NDUFAF6: variants seen among roughly 807,000 people sequenced by gnomAD.
NDUFAF6 encodes NADH:ubiquinone oxidoreductase complex assembly factor 6.
NDUFAF6 carries 45 observed loss-of-function variants against 40.8 expected under a neutral mutation model. That is an observed-to-expected ratio of 1.10 (90% CI 0.87 to 1.42). The LOEUF (loss-of-function observed/expected upper bound fraction) is 1.42. NDUFAF6 is among the 40% of genes most tolerant of loss of function. The pLI, the probability that NDUFAF6 is intolerant of heterozygous loss-of-function variation, is 0.00. For missense variants in NDUFAF6, 435 were observed against 418.5 expected (o/e 1.04, Z -0.34); for synonymous variants, 185 against 155.9 (o/e 1.19, Z -1.39).
chr8:94,963,560 T>G (rs766275257), intron 1 of NDUFAF6, among the ~76,000 whole-genome samples: 16 of 152,250 alleles, frequency 1.1e-4, no homozygotes, highest in Non-Finnish European at 1.5e-5. Context: ...CCCTTCTTTC[T>G]TCTACCCTTG....
intron 3 of NDUFAF6, among the ~76,000 whole-genome samples, chr8:95,039,619 T>G (rs1829935918): frequency 6.6e-6 from 1 of 151,480 alleles, no homozygotes. Context: ...CAGGACAGTT[T>G]TTTTTTTTAT....
intron 4 of NDUFAF6, among the ~76,000 whole-genome samples, chr8:95,114,926 G>A (rs915702083): frequency 2.0e-5 from 3 of 152,114 alleles, no homozygotes; most frequent in East Asian, 1.9e-4. Context: ...GCCAGGCGTG[G>A]TGGCAGGTGT....
In NDUFAF6 at chr8:95,052,199, C is replaced by A; in HGVS notation, c.842C>A (p.Pro281His). 2 of 1,614,086 alleles carry A rather than the reference C, an allele frequency of 1.2e-6. No homozygotes were observed. The highest frequency in any genetic ancestry group is 1.7e-6 in the Non-Finnish European group (2 of 1,179,992). Residue 281 changes from proline to histidine, a missense_variant, in exon 8 of 9, where the codon CCT becomes CAT. Pro to His is a moderately conservative substitution (Grantham distance 77). Transcript: ENST00000396124. Reference protein sequence around the residue: ...KHARSFHKTVPVKAFPAFLQT... With the variant: ...KHARSFHKTVHVKAFPAFLQT... ...GCTAGGTCCTTTCACAAAACTGTTC[C>A]TGTGAAAGCATTTCCTGCTTTTCTT...
chr8:95,074,651 C>A (rs904822749), intron 9 of NDUFAF6, among the ~76,000 whole-genome samples: 1 of 152,156 alleles, frequency 6.6e-6, no homozygotes, highest in Admixed American at 6.5e-5. Context: ...TTTGACTTCC[C>A]CCTCCTCTTT....
chr8:95,052,082 T>G (rs1831498361), intron 7 of NDUFAF6, 92 bp from the exon 8 acceptor site: 1 of 1,153,034 alleles, frequency 8.7e-7, no homozygotes, highest in Non-Finnish European at 1.3e-6. Context: ...AGAGAGGCCC[T>G]ATCAGTATTG....
chr8:94,985,470 TATATATATA>T (rs1563770406), intron 2 of NDUFAF6, among the ~76,000 whole-genome samples: 7 of 910 alleles, frequency 7.7e-3, no homozygotes, highest in Admixed American at 0.014. Context: ...ACAATAATTA[TATATATATA>T]TATATATATA....
upstream of NDUFAF6, among the ~76,000 whole-genome samples, chr8:95,099,938 A>T (rs1452305489): frequency 6.6e-6 from 1 of 152,144 alleles, no homozygotes; most frequent in East Asian, 1.9e-4. Flanking sequence ...ATGCCTTTTC[A>T]TTGCCCCAGG....
chr8:95,023,004 C>T (rs1052230399), upstream of NDUFAF6, among the ~76,000 whole-genome samples: 7 of 152,128 alleles, frequency 4.6e-5, no homozygotes, highest in African/African-American at 7.2e-5. Context: ...GTTTTTCTTT[C>T]GAATTTTTCT....
Position 95,082,870 on chromosome 8 carries a change from C to T in NDUFAF6, n.213+7118C>T, listed in dbSNP as rs560113295. On this transcript the variant is annotated intron_variant and non_coding_transcript_variant, in intron 2 of 5. Transcript: ENST00000523184. ...AGAGACGGGGTTTCACCGTTTTAGC[C>T]GGGATGGTTTCGATCTCCTGACCTC... is the stretch of plus-strand genomic sequence containing the variant. Among the ~76,000 whole-genome samples the T allele has an allele frequency of 1.2e-4, 19 of 152,202 alleles. No homozygotes were observed. The South Asian group carries it at 2.1e-3, about 17-fold the overall frequency.
intron 1 of NDUFAF6, chr8:94,939,586 C>T (rs557715862): frequency 2.9e-5 from 11 of 376,274 alleles, no homozygotes; most frequent in Middle Eastern, 8.7e-4. Flanking sequence ...TTTGTACAGA[C>T]GGGGTTTCAC....
At chr8:94,904,611 T>A (rs1047045418) in intron 1 of NDUFAF6, among the ~76,000 whole-genome samples, 11 of 152,162 alleles carry the variant, frequency 7.2e-5, no homozygotes, top group South Asian at 4.1e-4. Flanking sequence ...TTCTGTTCTT[T>A]ATGTCTTCCA....
At chr8:95,032,119 A>G (rs1420151142) in intron 2 of NDUFAF6, 25 bp downstream of exon 2, 2 of 1,585,982 alleles carry the variant, frequency 1.3e-6, no homozygotes, top group East Asian at 2.2e-5. Context: ...ACCTTAAAAT[A>G]TTATTTGCGA....
chr8:94,933,406 G>A (rs758983606), intron 1 of NDUFAF6, among the ~76,000 whole-genome samples: 3 of 152,152 alleles, frequency 2.0e-5, no homozygotes, highest in Non-Finnish European at 4.4e-5. Context: ...GAAGAAGGAA[G>A]AAAGAAGAAG....
upstream of NDUFAF6, among the ~76,000 whole-genome samples, chr8:95,099,585 T>TA (rs201942320): frequency 1.3e-4 from 19 of 148,762 alleles, no homozygotes; most frequent in South Asian, 6.4e-4. Context: ...ATCTCAAAAT[T>TA]AAAAAAAAAG....
intron 8 of NDUFAF6, among the ~76,000 whole-genome samples, chr8:95,053,973 T>G (rs199781883): frequency 6.9e-6 from 1 of 144,446 alleles, no homozygotes; most frequent in Non-Finnish European, 1.5e-5. Flanking sequence ...CTCACTCTGT[T>G]GCCCAGGTTC....
At chr8:94,900,924 A>G (rs1012224822) in intron 1 of NDUFAF6, among the ~76,000 whole-genome samples, 6 of 152,192 alleles carry the variant, frequency 3.9e-5, no homozygotes, top group African/African-American at 1.4e-4. Context: ...AAAGCAAACA[A>G]TTCCTGCCCC....
At chr8:95,066,963 A>G (rs962822803) in intron 9 of NDUFAF6, 1 of 152,256 alleles carries the variant, frequency 6.6e-6, no homozygotes, top group Non-Finnish European at 1.5e-5. Context: ...CCAGGGCCCA[A>G]CTGAGGAATG....
At chr8:95,035,360 A>G in intron 2 of NDUFAF6, 94 bp from the exon 3 acceptor site, 1 of 1,316,142 alleles carries the variant, frequency 7.6e-7, no homozygotes, top group Middle Eastern at 2.1e-4. Flanking sequence ...CATAATACAG[A>G]ACAGTTACAT....
At chr8:95,051,549 G>A (rs1225552943) in intron 7 of NDUFAF6, among the ~76,000 whole-genome samples, 1 of 152,118 alleles carries the variant, frequency 6.6e-6, no homozygotes, top group Non-Finnish European at 1.5e-5. Flanking sequence ...AGACAGGAGT[G>A]GGCTTGGCGA....
Sources: allele counts gnomAD v4.1 joint callset (sites outside exome capture counted in the v4.1 genomes callset), GRCh38; gene constraint gnomAD v4.1.1; transcripts MANE v1.5; gene names NCBI Gene and HGNC (gene_info 2026-07-23, HGNC 2026-07-21).